Variants in GRM7 observed in about 807,000 individuals in gnomAD.
GRM7 encodes metabotropic glutamate receptor 7.
A neutral mutation model predicts 84.5 loss-of-function variants in GRM7; 35 were observed. The ratio of observed to expected loss-of-function variants is 0.41; its 90% CI spans 0.32 to 0.55. The LOEUF (loss-of-function observed/expected upper bound fraction) is 0.55, where lower values mean the gene tolerates loss of function less well. Among genes scored for constraint, GRM7 ranks in the 20% least tolerant of loss-of-function variants. The probability of loss-of-function intolerance (pLI) is 0.19; values close to 1 mark genes in which losing one functional copy is unlikely to be tolerated. For synonymous variants in GRM7, 487 were observed against 455.1 expected, an observed-to-expected ratio of 1.07 and a Z score of -0.89; for missense variants, 1,003 against 1,194.6, an observed-to-expected ratio of 0.84 and a Z score of 2.36.
At chr3:7,064,461 T>TATATACACACAC (rs1260975143) in intron 1 of GRM7, among the ~76,000 whole-genome samples, 1 of 78,730 alleles carries the variant, frequency 1.3e-5, no homozygotes, top group Admixed American at 1.3e-4. Flanking sequence ...TGGATATATA[T>TATATACACACAC]ACATATATAT....
intron 7 of GRM7, among the ~76,000 whole-genome samples, chr3:7,522,171 T>C (rs1204390495): frequency 6.6e-6 from 1 of 152,188 alleles, no homozygotes; most frequent in Middle Eastern, 3.2e-3. Flanking sequence ...AGGCTGGCTC[T>C]TTCTGATCAA....
intron 4 of GRM7, among the ~76,000 whole-genome samples, chr3:7,380,270 AT>A: frequency 6.6e-6 from 1 of 152,320 alleles, no homozygotes; most frequent in African/African-American, 2.4e-5. Flanking sequence ...TTAACATTCC[AT>A]TTTGGAATAT....
At chr3:7,058,731 A>G (rs546682774) in intron 1 of GRM7, among the ~76,000 whole-genome samples, 152 of 151,976 alleles carry the variant, frequency 1.0e-3, no homozygotes, top group African/African-American at 3.5e-3. Context: ...AGACAGGGTC[A>G]TTTATAAACT....
intron 7 of GRM7, among the ~76,000 whole-genome samples, chr3:7,544,850 A>G (rs1693063521): frequency 6.6e-6 from 1 of 152,194 alleles, no homozygotes; most frequent in African/African-American, 2.4e-5. Context: ...AATTTCTGCA[A>G]TGTGATTCCT....
chr3:7,650,954 T>TG (rs1300843589), intron 8 of GRM7, among the ~76,000 whole-genome samples: 1 of 152,196 alleles, frequency 6.6e-6, no homozygotes, highest in African/African-American at 2.4e-5. Context: ...TGAAAAATCA[T>TG]GAAGACTGCC....
At chr3:7,495,461 T>A (rs1699667318) in intron 7 of GRM7, among the ~76,000 whole-genome samples, 1 of 152,116 alleles carries the variant, frequency 6.6e-6, no homozygotes, top group Non-Finnish European at 1.5e-5. Context: ...CTTCTTAGTG[T>A]CCCTGGATTA....
chr3:7,587,092 T>C (rs1021327068), intron 8 of GRM7, among the ~76,000 whole-genome samples: 5 of 152,126 alleles, frequency 3.3e-5, no homozygotes, highest in African/African-American at 1.2e-4. Flanking sequence ...TAAGTCAAAA[T>C]TGATCAATTT....
At chr3:6,887,152 T>C (rs2124974273) in intron 1 of GRM7, among the ~76,000 whole-genome samples, 1 of 152,230 alleles carries the variant, frequency 6.6e-6, no homozygotes, top group Admixed American at 6.5e-5. Context: ...ACCAGACACA[T>C]TTACATGTAA....
chr3:7,579,792 A>T (rs9845744), intron 8 of GRM7, among the ~76,000 whole-genome samples: 49,851 of 152,046 alleles, frequency 0.33, 8,826 homozygotes, highest in African/African-American at 0.46. Context: ...TCGCTCTTCC[A>T]AGTGGCTACC....
At chr3:7,720,725 A>G (rs1701917191) in intron 9 of GRM7, among the ~76,000 whole-genome samples, 1 of 152,268 alleles carries the variant, frequency 6.6e-6, no homozygotes, top group Non-Finnish European at 1.5e-5. Flanking sequence ...GAACTGAGCA[A>G]CAATGATGTT....
intron 1 of GRM7, among the ~76,000 whole-genome samples, chr3:7,121,949 A>G (rs999067676): frequency 6.6e-6 from 1 of 152,204 alleles, no homozygotes; most frequent in African/African-American, 2.4e-5. Flanking sequence ...ATATTACAAA[A>G]GAGAGTTCAC....
intron 1 of GRM7, among the ~76,000 whole-genome samples, chr3:6,990,449 AC>A (rs1342697561): frequency 6.6e-6 from 1 of 151,926 alleles, no homozygotes; most frequent in Non-Finnish European, 1.5e-5. Context: ...TACAAAATAA[AC>A]CTTTTTTGTT....
intron 9 of GRM7, among the ~76,000 whole-genome samples, chr3:7,703,854 G>A (rs1349139570): frequency 6.6e-6 from 1 of 152,070 alleles, no homozygotes; most frequent in Admixed American, 6.6e-5. Flanking sequence ...GTATCTTGAG[G>A]CCACATACAA....
At position 7,330,937 on chromosome 3, in the gene GRM7, G is replaced by T. The variant is rs531510631; in HGVS notation, c.1033+24285G>T. ...TTATTCCAATTACCTTATCTCACCT[G>T]AATTGTCACCCTTCAGAGAGGCATC... is the stretch of plus-strand genomic sequence containing the variant. On this transcript the variant is annotated intron_variant, in intron 4 of 9. Coordinates refer to ENST00000357716, the MANE Select transcript of GRM7 (RefSeq NM_000844.4). Among the ~76,000 whole-genome samples, 7 of 152,174 alleles carry T rather than the reference G, an allele frequency of 4.6e-5. No individual in the cohort carries two copies. The South Asian group carries it at 1.5e-3, about 32-fold the overall frequency.
At chr3:7,007,227 G>A (rs1474082069) in intron 1 of GRM7, among the ~76,000 whole-genome samples, 1 of 152,014 alleles carries the variant, frequency 6.6e-6, no homozygotes, top group Admixed American at 6.6e-5. Context: ...AAGTTCCGTT[G>A]GCCCTTCCAC....
In GRM7 at chr3:7,093,676, C is replaced by CAA. The variant is rs1209938099; in HGVS notation, c.520-52739_520-52738dup. Among the ~76,000 whole-genome samples, 129 of 13,958 alleles carry CAA rather than the reference C, an allele frequency of 9.2e-3. 45 individuals are homozygous for CAA. Among genetic ancestry groups the CAA allele is most frequent in the East Asian group, 0.049 (15 of 306 alleles). The allele number at this position is 13,958 out of a possible 152,430, so 9.2% of individuals were successfully genotyped here. A position where few individuals can be genotyped will look rare whatever the true frequency, so the allele number is the denominator to read the frequency against. On this transcript the variant is annotated intron_variant, in intron 1 of 9. Coordinates refer to ENST00000357716, the MANE Select transcript of GRM7 (RefSeq NM_000844.4). ...TGGGCGATAGAGCAAGACTCTGTCT[C>CAA]AAAAAAAAAAAAAAAAAAAAAAAAA... is the stretch of plus-strand genomic sequence containing the variant.
At chr3:7,622,005 G>A (rs537616400) in intron 8 of GRM7, among the ~76,000 whole-genome samples, 3 of 152,242 alleles carry the variant, frequency 2.0e-5, no homozygotes, top group Non-Finnish European at 4.4e-5. Flanking sequence ...CTAAGTGTAC[G>A]TCTACATCCA....
At chr3:7,465,495 AC>A (rs1193874947) in intron 7 of GRM7, among the ~76,000 whole-genome samples, 1 of 129,038 alleles carries the variant, frequency 7.7e-6, no homozygotes, top group Non-Finnish European at 1.9e-5. Context: ...TCCCAGAGCC[AC>A]AGCCCAGTTG....
At position 7,281,012 on chromosome 3, in the gene GRM7, A is replaced by C. The variant is rs973036262; in HGVS notation, c.737-17672A>C. ...TACTCTGAAAAGAAAAAAAATAAAAAGTGTCTGTTCTTTCGTGCTGGCAGA... is the reference window on the plus strand; with the variant it reads ...TACTCTGAAAAGAAAAAAAATAAAACGTGTCTGTTCTTTCGTGCTGGCAGA... On this transcript the variant is annotated intron_variant, in intron 2 of 9. Coordinates refer to ENST00000357716, the MANE Select transcript of GRM7 (RefSeq NM_000844.4). Among the ~76,000 whole-genome samples, 16 of 152,260 alleles carry C rather than the reference A, an allele frequency of 1.1e-4. 4 individuals carry two copies. The highest frequency in any genetic ancestry group is 3.9e-4 in the East Asian group (2 of 5,172).
Sources: gnomAD v4.1 joint callset for allele counts (sites outside exome capture counted in the v4.1 genomes callset) on GRCh38, gnomAD v4.1.1 for gene constraint, MANE v1.5 for transcripts, NCBI Gene and HGNC (gene_info 2026-07-23, HGNC 2026-07-21) for gene names.